PDCD11: variants seen among roughly 807,000 people sequenced by gnomAD.
PDCD11 encodes programmed cell death 11, also known as protein RRP5 homolog.
In PDCD11, 97 loss-of-function variants were observed where a neutral mutation model predicts 198.9. That is an observed-to-expected ratio of 0.49 (90% confidence interval 0.41 to 0.58). The LOEUF (loss-of-function observed/expected upper bound fraction) is 0.58, where lower values mean the gene tolerates loss of function less well. Among genes scored for constraint, PDCD11 ranks in the 20% least tolerant of loss-of-function variants. The probability of loss-of-function intolerance (pLI) is 0.00; values close to 1 mark genes in which losing one functional copy is unlikely to be tolerated. For synonymous variants in PDCD11, 893 were observed against 918.0 expected, an observed-to-expected ratio of 0.97 and a Z score of 0.49; for missense variants, 2,102 against 2,312.7, an observed-to-expected ratio of 0.91 and a Z score of 1.87.
At chr10:103,411,513 A>G (rs1330385647) in intron 8 of PDCD11, among the ~76,000 whole-genome samples, 1 of 151,916 alleles carries the variant, frequency 6.6e-6, no homozygotes, top group African/African-American at 2.4e-5. Context: ...CTACGGATGC[A>G]TGCCACCACG....
In PDCD11 at chr10:103,438,819, G is replaced by C. The variant is rs367658103; in HGVS notation, c.4025+11G>C. 4 of 1,613,474 alleles carry C rather than the reference G, an allele frequency of 2.5e-6. No individual in the cohort carries two copies. The highest frequency in any genetic ancestry group is 3.4e-6 in the Non-Finnish European group (4 of 1,179,944). On this transcript the variant is annotated intron_variant, in intron 27 of 35. Transcript: ENST00000369797. ...CGGTGTGTTCTTTCGGTGAGTGAGG[G>C]GGGCTCTGCACCCGGACCCAAGTGC...
Position 103,421,596 on chromosome 10 carries a change from G to C in PDCD11, c.2497+29G>C. On this transcript the variant is annotated intron_variant, in intron 17 of 35. Coordinates refer to ENST00000369797, the MANE Select transcript of PDCD11 (RefSeq NM_014976.2). ...GGGCACCTGTGGGGCAGGGGAGGTG[G>C]GCCAGGGGTGGGAGTATGTGTTGTA... The C allele has an allele frequency of 4.0e-6, 6 of 1,483,382 alleles. No individual in the cohort carries two copies. The South Asian group carries it at 7.3e-5, about 18-fold the overall frequency. The allele number at this position is 1,483,382 out of a possible 1,614,324, so 91.9% of individuals were successfully genotyped here. A position where few individuals can be genotyped will look rare whatever the true frequency, so the allele number is the denominator to read the frequency against.
intron 2 of PDCD11, 38 bp downstream of exon 2, chr10:103,398,566 CTT>C (rs764958490): frequency 6.1e-6 from 8 of 1,304,644 alleles, no homozygotes; most frequent in East Asian, 2.3e-5. Context: ...TCACTGGAAA[CTT>C]TTACTGTAGT....
intron 15 of PDCD11, 54 bp downstream of exon 15, chr10:103,418,688 T>A: frequency 1.4e-6 from 2 of 1,460,460 alleles, no homozygotes; most frequent in Non-Finnish European, 1.9e-6. Flanking sequence ...CATGGGTGCT[T>A]GGATGGGAAA....
chr10:103,423,739 CAG>C, intron 19 of PDCD11, 81 bp downstream of exon 19: 3 of 908,816 alleles, frequency 3.3e-6, no homozygotes, highest in African/African-American at 1.6e-5. Context: ...GATTCCAACT[CAG>C]ATGCCTGTAG....
chr10:103,429,112 G>A (rs186156219), intron 21 of PDCD11, among the ~76,000 whole-genome samples: 219 of 152,270 alleles, frequency 1.4e-3, no homozygotes, highest in African/African-American at 5.2e-3. Flanking sequence ...TGGGGATCTC[G>A]TTCACAAAGA....
chr10:103,438,716 A>C lies in PDCD11; in HGVS notation c.3933A>C (p.Glu1311Asp), dbSNP rs755381529. ...RTNPETKSKV[E>D]DPEINSIQDI... The stretch of plus-strand genomic sequence containing the variant: ...ACCCGGAGACGAAAAGCAAAGTAGA[A>C]GATCCAGAGATTAACTCCATCCAGG... Residue 1311 changes from glutamate to aspartate, a missense_variant, in exon 27 of 36, where the codon GAA becomes GAC. Physicochemically the swap from Glu to Asp is conservative, Grantham distance 45. Coordinates refer to ENST00000369797, the MANE Select transcript of PDCD11 (RefSeq NM_014976.2). 1 of 1,614,226 alleles carries C rather than the reference A, an allele frequency of 6.2e-7. No individual in the cohort carries two copies. Among genetic ancestry groups the C allele is most frequent in the Non-Finnish European group, 8.5e-7 (1 of 1,180,030 alleles).
At position 103,414,408 on chromosome 10, in the gene PDCD11, C is replaced by T. The variant is rs572293890; in HGVS notation, c.1371+78C>T. On this transcript the variant is annotated intron_variant, in intron 11 of 35. Coordinates refer to ENST00000369797, the MANE Select transcript of PDCD11 (RefSeq NM_014976.2). ...GTTCACGCACAGGTGACTGTCAGCC[C>T]GTTAGTCCTCATGTTAACACATTGA... 494 of 962,078 alleles carry T rather than the reference C, an allele frequency of 5.1e-4. 2 individuals are homozygous for T. Among genetic ancestry groups the T allele is most frequent in the Non-Finnish European group, 7.4e-4 (442 of 601,068 alleles). The allele number at this position is 962,078 out of a possible 1,614,324, so 59.6% of individuals were successfully genotyped here.
Position 103,423,558 on chromosome 10 carries a change from C to T in PDCD11, c.2663C>T (p.Ser888Phe). Residue 888 changes from serine (S) to phenylalanine (F), a missense_variant, in exon 19 of 36, where the codon TCT (serine) becomes TTT (phenylalanine). Physicochemically the swap from Ser to Phe is radical, Grantham distance 155. Coordinates refer to ENST00000369797, the MANE Select transcript of PDCD11 (RefSeq NM_014976.2). Reference protein sequence around the residue: ...RYHRAGQEVESGQKKKVVILN... With the variant: ...RYHRAGQEVEFGQKKKVVILN... Reference sequence around the variant, plus strand: ...TGCACTGCAGGGCAGGAGGTGGAATCTGGGCAGAAAAAGAAGGTTGTTATC... The same window carrying T: ...TGCACTGCAGGGCAGGAGGTGGAATTTGGGCAGAAAAAGAAGGTTGTTATC... 6.2e-7 allele frequency: 1 copy of T among 1,613,474 alleles called. No individual in the cohort carries two copies. Among genetic ancestry groups the T allele is most frequent in the Non-Finnish European group, 8.5e-7 (1 of 1,179,428 alleles).
Position 103,440,361 on chromosome 10 carries a change from C to T in PDCD11, c.4220C>T (p.Ser1407Phe). 6.2e-7 allele frequency: 1 copy of T among 1,614,224 alleles called. No individual in the cohort carries two copies. The highest frequency in any genetic ancestry group is 8.5e-7 in the Non-Finnish European group (1 of 1,180,042). Residue 1407 changes from serine (S) to phenylalanine (F), a missense_variant, in exon 29 of 36, where the codon TCT becomes TTT. Physicochemically the swap from Ser to Phe is radical, Grantham distance 155. Transcript: ENST00000369797. ...PGDTGKPDVLSASLEGQLTKQ... is the reference protein window; with the variant it reads ...PGDTGKPDVLFASLEGQLTKQ... ...GACACTGGGAAGCCAGACGTGCTTT[C>T]TGCTTCCTTGGAAGGGCAACTTACA... is the stretch of plus-strand genomic sequence containing the variant.
intron 7 of PDCD11, among the ~76,000 whole-genome samples, chr10:103,407,046 G>T (rs1358630071): frequency 6.6e-6 from 1 of 152,144 alleles, no homozygotes; most frequent in East Asian, 1.9e-4. Context: ...AAAATTACTT[G>T]TGTGACTGAC....
intron 27 of PDCD11, among the ~76,000 whole-genome samples, chr10:103,439,296 T>C (rs2032280941): frequency 6.6e-6 from 1 of 152,226 alleles, no homozygotes; most frequent in Non-Finnish European, 1.5e-5. Context: ...AAGCTATGAT[T>C]GTGCCTCTGA....
In PDCD11 at chr10:103,445,618, C is replaced by G. The variant is rs1290063488; in HGVS notation, c.*69C>G. On this transcript the variant is annotated 3_prime_UTR_variant, in exon 36 of 36. Transcript: ENST00000369797. ...CGGCCCCGCCTCGAGTGCCTGGGCA[C>G]TCGGAAAACTGTTACCTCAGGACTC... The G allele has an allele frequency of 3.7e-6, 5 of 1,347,862 alleles. No homozygotes were observed. Among genetic ancestry groups the G allele is most frequent in the Non-Finnish European group, 4.2e-6 (4 of 963,710 alleles). 83.5% of individuals were successfully genotyped at this position (1,347,862 alleles called of 1,614,324 possible).
chr10:103,432,738 C>G (rs891724748), intron 22 of PDCD11, among the ~76,000 whole-genome samples: 2 of 152,160 alleles, frequency 1.3e-5, no homozygotes, highest in Non-Finnish European at 2.9e-5. Flanking sequence ...GATTCCTCTT[C>G]GATGAGCATC....
At position 103,444,074 on chromosome 10, in the gene PDCD11, T is replaced by C. The variant is rs2032500553; in HGVS notation, c.5278+6T>C. 6.2e-7 allele frequency: 1 copy of C among 1,608,840 alleles called. No homozygotes were observed. The highest frequency in any genetic ancestry group is 8.5e-7 in the Non-Finnish European group (1 of 1,178,676). Reference sequence around the variant, plus strand: ...GTGCCTGCCTAGCAAGGAGCGTGAGTGCTCATTCCCAGCTCCTGAGCCCAT... The same window carrying C: ...GTGCCTGCCTAGCAAGGAGCGTGAGCGCTCATTCCCAGCTCCTGAGCCCAT... On this transcript the variant is annotated splice_donor_region_variant and intron_variant, in intron 34 of 35. Transcript: ENST00000369797.
chr10:103,435,372 TAGAC>T (rs2032107707), intron 25 of PDCD11, among the ~76,000 whole-genome samples: 1 of 152,210 alleles, frequency 6.6e-6, no homozygotes, highest in South Asian at 2.1e-4. Flanking sequence ...TCTCTGTTGA[TAGAC>T]AATACTTTTT....
chr10:103,442,560 T>C (rs2032436512), intron 32 of PDCD11, 100 bp downstream of exon 32: 3 of 1,396,960 alleles, frequency 2.1e-6, no homozygotes, highest in Non-Finnish European at 2.9e-6. Flanking sequence ...CCGGCAGCAT[T>C]TTGGGTGGCT....
In PDCD11 at chr10:103,396,672, CGT is replaced by C. The variant is rs987304071; in HGVS notation, c.-64_-63del. ...TGGACTGTGGGTATCCTGGTCTCCG[CGT>C]GTGTGAGTACCGCGGCGCGAGGTTA... On this transcript the variant is annotated 5_prime_UTR_variant, in exon 1 of 36. Coordinates refer to ENST00000369797, the MANE Select transcript of PDCD11 (RefSeq NM_014976.2). 23 of 152,490 alleles carry C rather than the reference CGT, an allele frequency of 1.5e-4. No homozygotes were observed. The highest frequency in any genetic ancestry group is 4.6e-4 in the African/African-American group (19 of 41,570). The allele number at this position is 152,490 out of a possible 1,614,324, so 9.4% of individuals were successfully genotyped here.
At chr10:103,438,176 C>G in intron 26 of PDCD11, 105 bp downstream of exon 26, 3 of 858,352 alleles carry the variant, frequency 3.5e-6, no homozygotes, top group Non-Finnish European at 5.9e-6. Context: ...ACCTTCTCTG[C>G]TCATCACTTT....
Sources: gnomAD v4.1 joint callset for allele counts (sites outside exome capture counted in the v4.1 genomes callset) on GRCh38, gnomAD v4.1.1 for gene constraint, MANE v1.5 for transcripts, NCBI Gene and HGNC (gene_info 2026-07-23, HGNC 2026-07-21) for gene names.